The following CLIC5 variants were observed in gnomAD, a reference collection of about 807,000 sequenced individuals.
The protein encoded by CLIC5 is CLIC family member 5.
CLIC5 carries 20 observed loss-of-function variants against 24.7 expected under a neutral mutation model. That is an observed-to-expected ratio of 0.81 (90% CI 0.57 to 1.18). The LOEUF (loss-of-function observed/expected upper bound fraction) is 1.18, where lower values mean the gene tolerates loss of function less well. Ranked by LOEUF, CLIC5 falls within the 50% of genes most tolerant of loss-of-function variation. The pLI, the probability that CLIC5 is intolerant of heterozygous loss-of-function variation, is 0.00. For synonymous variants in CLIC5, 159 were observed against 135.6 expected, an observed-to-expected ratio of 1.17 and a Z score of -1.20; for missense variants, 341 against 326.1, an observed-to-expected ratio of 1.05 and a Z score of -0.35.
At chr6:46,116,963 C>T in the CLIC5 span, among the ~76,000 whole-genome samples, 1 of 152,184 alleles carries the variant, frequency 6.6e-6, no homozygotes, top group Non-Finnish European at 1.5e-5. Flanking sequence ...TATTTACAGA[C>T]CAGTTGTGAA....
At chr6:45,974,520 T>TATATATATATAG (rs1765318599) in intron 1 of CLIC5, among the ~76,000 whole-genome samples, 1 of 66,974 alleles carries the variant, frequency 1.5e-5, no homozygotes, top group Admixed American at 1.7e-4. Flanking sequence ...TATATATATA[T>TATATATATATAG]ATAGAGAGAG....
chr6:46,126,495 T>G, the CLIC5 span, among the ~76,000 whole-genome samples: 1 of 152,200 alleles, frequency 6.6e-6, no homozygotes, highest in African/African-American at 2.4e-5. Context: ...ACAGAATCAT[T>G]TTTTAAAGGA....
chr6:45,969,256 A>G (rs763835095), intron 1 of CLIC5, among the ~76,000 whole-genome samples: 1 of 152,184 alleles, frequency 6.6e-6, no homozygotes, highest in Non-Finnish European at 1.5e-5. Flanking sequence ...GGGAGGGGCC[A>G]GCACTGTAGA....
At chr6:46,059,068 G>T (rs1237858344) in intron 1 of CLIC5, among the ~76,000 whole-genome samples, 1 of 152,228 alleles carries the variant, frequency 6.6e-6, no homozygotes, top group East Asian at 1.9e-4. Flanking sequence ...CAGTACTTAA[G>T]CTTGGTTGGT....
intron 1 of CLIC5, among the ~76,000 whole-genome samples, chr6:45,956,123 G>A (rs145479833): frequency 1.2e-3 from 183 of 152,296 alleles, no homozygotes; most frequent in African/African-American, 4.3e-3. Context: ...TTTTAGGTCT[G>A]AAAAGCAAGT....
chr6:45,912,144 T>A, intron 5 of CLIC5: 1 of 986,768 alleles, frequency 1.0e-6, no homozygotes, highest in South Asian at 4.7e-5. Context: ...CCAGATTAAG[T>A]TTTGGCATCC....
At chr6:46,072,115 A>G (rs1291698027) in intron 1 of CLIC5, among the ~76,000 whole-genome samples, 1 of 152,048 alleles carries the variant, frequency 6.6e-6, no homozygotes. Context: ...GGAGAGGATC[A>G]GGGAAAATAA....
intron 4 of CLIC5, among the ~76,000 whole-genome samples, chr6:45,918,298 T>C (rs539345796): frequency 6.6e-6 from 1 of 152,264 alleles, no homozygotes; most frequent in South Asian, 2.1e-4. Flanking sequence ...CGTAGAGAAA[T>C]AATGACTTGG....
At chr6:46,061,750 T>A (rs138526929) in intron 1 of CLIC5, among the ~76,000 whole-genome samples, 32 of 152,346 alleles carry the variant, frequency 2.1e-4, no homozygotes, top group African/African-American at 6.7e-4. Flanking sequence ...TTCAAACCAA[T>A]AGATTCATAC....
At chr6:45,923,843 T>C (rs1401822247) in intron 4 of CLIC5, among the ~76,000 whole-genome samples, 2 of 152,240 alleles carry the variant, frequency 1.3e-5, no homozygotes, top group Non-Finnish European at 2.9e-5. Flanking sequence ...GCACAGATCA[T>C]GGGACCAGCT....
At chr6:45,970,630 T>A (rs1368109423) in intron 1 of CLIC5, among the ~76,000 whole-genome samples, 1 of 152,224 alleles carries the variant, frequency 6.6e-6, no homozygotes, top group East Asian at 1.9e-4. Context: ...AGTCAGTGGT[T>A]ATTTTCAAAA....
intron 1 of CLIC5, among the ~76,000 whole-genome samples, chr6:46,073,932 T>C (rs908503042): frequency 6.6e-6 from 1 of 152,196 alleles, no homozygotes; most frequent in Non-Finnish European, 1.5e-5. Flanking sequence ...TTTGTTTGCC[T>C]CCAAGGTAAA....
chr6:46,113,485 T>C, the CLIC5 span, among the ~76,000 whole-genome samples: 1 of 152,104 alleles, frequency 6.6e-6, no homozygotes, highest in Non-Finnish European at 1.5e-5. Flanking sequence ...CAGGGGTTTC[T>C]TACAGCCCAG....
chr6:45,924,576 G>A (rs993968440), intron 4 of CLIC5, among the ~76,000 whole-genome samples: 5 of 152,104 alleles, frequency 3.3e-5, no homozygotes, highest in African/African-American at 1.2e-4. Context: ...CTAGTAGGGG[G>A]TAAATGACTC....
At chr6:45,997,313 A>G (rs889882461) in intron 1 of CLIC5, among the ~76,000 whole-genome samples, 3 of 137,416 alleles carry the variant, frequency 2.2e-5, no homozygotes, top group African/African-American at 8.2e-5. Context: ...ATGAGATCAC[A>G]TGGACACAGG....
chr6:46,101,688 T>C, the CLIC5 span, among the ~76,000 whole-genome samples: 1 of 152,226 alleles, frequency 6.6e-6, no homozygotes, highest in Non-Finnish European at 1.5e-5. Context: ...TACTTTTGGC[T>C]TGGTGACATG....
At chr6:45,919,530 T>C (rs1161140901) in intron 4 of CLIC5, among the ~76,000 whole-genome samples, 8 of 150,764 alleles carry the variant, frequency 5.3e-5, no homozygotes, top group Non-Finnish European at 1.2e-4. Context: ...CCAACTCCCC[T>C]GTGCTAGGAA....
intron 3 of CLIC5, among the ~76,000 whole-genome samples, chr6:45,942,538 C>T (rs1032441027): frequency 2.2e-4 from 34 of 152,266 alleles, no homozygotes; most frequent in Admixed American, 1.8e-3. Context: ...GGGAGACAGT[C>T]GCCAGGCTAT....
intron 1 of CLIC5, chr6:46,014,806 T>G (rs1226156900): frequency 6.6e-6 from 1 of 152,230 alleles, no homozygotes. Flanking sequence ...ACTGTGCTCC[T>G]TCATCCCTGT....
Sources: allele counts gnomAD v4.1 joint callset (sites outside exome capture counted in the v4.1 genomes callset), GRCh38; gene constraint gnomAD v4.1.1; transcripts MANE v1.5; gene names NCBI Gene and HGNC (gene_info 2026-07-23, HGNC 2026-07-21).